The following OR2T29 variants were observed in gnomAD, a reference collection of about 807,000 sequenced individuals.
OR2T29 encodes the protein olfactory receptor 2T29.
For synonymous variants in OR2T29, 2 were observed against 44.9 expected (o/e 0.04, Z 3.82); for missense variants, 7 against 121.9 (o/e 0.06, Z 4.44).
Position 248,561,886 on chromosome 1 carries a change from A to C in OR2T29, c.-11+840T>G, listed in dbSNP as rs1431508845. ...GCTCAACCAGGACACGGGACAGATA[A>C]GGGAACACTATCCACACACAGTGAA... On this transcript the variant is annotated intron_variant, in intron 1 of 1. Transcript: ENST00000641069. Among the ~76,000 whole-genome samples, 488 of 130,982 alleles carry C rather than the reference A, an allele frequency of 3.7e-3. 6 individuals are homozygous for C. The highest frequency in any genetic ancestry group is 6.1e-3 in the Non-Finnish European group (376 of 61,260). The allele number at this position is 130,982 out of a possible 152,430, so 85.9% of individuals were successfully genotyped here.
rs1415818846 is a variant in OR2T29 at position 248,560,432 on chromosome 1, T to C, written c.-10-931A>G. On this transcript the variant is annotated intron_variant, in intron 1 of 1. Coordinates refer to ENST00000641069, the MANE Select transcript of OR2T29 (RefSeq NM_001004694.3). ...TTCCATTCTCCAGATTCAGTACCTA[T>C]TCATACATTTAAGAAGCTGACTTTC... Among the ~76,000 whole-genome samples the C allele has an allele frequency of 3.4e-5, 3 of 87,920 alleles. 1 individual carries two copies. The highest frequency in any genetic ancestry group is 7.8e-5 in the African/African-American group (3 of 38,666). 57.7% of individuals were successfully genotyped at this position (87,920 alleles called of 152,430 possible).
At position 248,562,593 on chromosome 1, in the gene OR2T29, A is replaced by G. The variant is rs1262574509; in HGVS notation, c.-11+133T>C. 3.0e-4 allele frequency: 44 copies of G among 144,968 alleles called. 1 individual carries two copies. The highest frequency in any genetic ancestry group is 1.3e-3 in the Admixed American group (19 of 14,732). 9.0% of individuals were successfully genotyped at this position (144,968 alleles called of 1,614,324 possible). On this transcript the variant is annotated intron_variant, in intron 1 of 1. Transcript: ENST00000641069. Reference sequence around the variant, plus strand: ...GAATAACATTTGCTTTTCTCCATTAAAAACAGATGATAAAGAAAAAATGAG... The same window carrying G: ...GAATAACATTTGCTTTTCTCCATTAGAAACAGATGATAAAGAAAAAATGAG...
chr1:248,562,040 A>T lies in OR2T29; in HGVS notation c.-11+686T>A, dbSNP rs1659533466. Among the ~76,000 whole-genome samples, 3 of 142,280 alleles carry T rather than the reference A, an allele frequency of 2.1e-5. No homozygotes were observed. In the South Asian group the frequency reaches 6.7e-4, roughly 32 times the overall value. 93.3% of individuals were successfully genotyped at this position (142,280 alleles called of 152,430 possible). A position where few individuals can be genotyped will look rare whatever the true frequency, so the allele number is the denominator to read the frequency against. ...CAAACCTTTATTTGAAGCATACAGC[A>T]TCCCAGGAATTGTTCTAATACTAAT... On this transcript the variant is annotated intron_variant, in intron 1 of 1. Transcript: ENST00000641069.
intron 1 of OR2T29, among the ~76,000 whole-genome samples, chr1:248,562,001 A>C (rs910631358): frequency 1.4e-5 from 2 of 147,450 alleles, no homozygotes; most frequent in African/African-American, 2.5e-5. Context: ...ATTTATTATA[A>C]GTATAAATGG....
intron 1 of OR2T29, among the ~76,000 whole-genome samples, chr1:248,562,255 T>A (rs1352108365): frequency 4.0e-5 from 6 of 150,130 alleles, no homozygotes; most frequent in Admixed American, 6.6e-5. Context: ...GCCTGATTCC[T>A]CTCAGGGACA....
chr1:248,559,150 C>T lies in OR2T29; in HGVS notation c.342G>A (p.Ser114=), dbSNP rs376895464. The change falls in exon 2 of 2, where the codon TCG becomes TCA. Residue 114 remains serine (S), a synonymous_variant. Transcript: ENST00000641069. ...CCATGGTGGCTAGAAGGAAAAATTCCGAACCTGCTAGTGTCAGATAGAGGA... is the reference window on the plus strand; with the variant it reads ...CCATGGTGGCTAGAAGGAAAAATTCTGAACCTGCTAGTGTCAGATAGAGGA... The part of the protein sequence containing the change: ...QMFLYLTLAG[S]EFFLLATMAY... The T allele has an allele frequency of 0.17, 73,932 of 433,214 alleles. 416 individuals carry two copies. The highest frequency in any genetic ancestry group is 0.32 in the East Asian group (7,893 of 24,976). 26.8% of individuals were successfully genotyped at this position (433,214 alleles called of 1,614,324 possible). A position where few individuals can be genotyped will look rare whatever the true frequency, so the allele number is the denominator to read the frequency against.
At chr1:248,560,080 G>A (rs532847660) in intron 1 of OR2T29, among the ~76,000 whole-genome samples, 470 of 28,224 alleles carry the variant, frequency 0.017, 1 homozygote, top group African/African-American at 0.025. Flanking sequence ...CTCATGAGCA[G>A]GGAAGGGTCC....
At position 248,559,280 on chromosome 1, in the gene OR2T29, GAC is replaced by G. The variant is rs1445018300; in HGVS notation, c.210_211del (p.Leu70PhefsTer25). The G allele has an allele frequency of 4.5e-5, 47 of 1,048,830 alleles. 1 individual carries two copies. The African/African-American group carries it at 8.8e-4, about 20-fold the overall frequency. The allele number at this position is 1,048,830 out of a possible 1,614,324, so 65.0% of individuals were successfully genotyped here. A position where few individuals can be genotyped will look rare whatever the true frequency, so the allele number is the denominator to read the frequency against. On this transcript the variant is annotated frameshift_variant, in exon 2 of 2. Coordinates refer to ENST00000641069, the MANE Select transcript of OR2T29 (RefSeq NM_001004694.3). LOFTEE classifies it low-confidence loss of function (END_TRUNC). ...AGAAATGTACGCCATGTCCATGAGA[GAC>G]AATTGACTGATGAAAAAGTACATGG...
At chr1:248,560,304 T>A (rs1659518523) in intron 1 of OR2T29, among the ~76,000 whole-genome samples, 1 of 90,818 alleles carries the variant, frequency 1.1e-5, no homozygotes, top group South Asian at 3.5e-4. Flanking sequence ...TTCCGATGAA[T>A]AAACACATAT....
chr1:248,562,666 G>T (rs1467038931), intron 1 of OR2T29, 60 bp downstream of exon 1: 2 of 145,334 alleles, frequency 1.4e-5, no homozygotes, highest in Non-Finnish European at 3.1e-5. Context: ...AGAACAAGTC[G>T]AGAGCAGTGA....
intron 1 of OR2T29, among the ~76,000 whole-genome samples, chr1:248,560,569 A>AAT (rs1367765777): frequency 3.1e-4 from 10 of 31,876 alleles, no homozygotes; most frequent in African/African-American, 4.6e-4. Flanking sequence ...GTTTTATATA[A>AAT]ATATATATAA....
chr1:248,562,232 C>T (rs569483480), intron 1 of OR2T29, among the ~76,000 whole-genome samples: 16 of 150,764 alleles, frequency 1.1e-4, no homozygotes, highest in Admixed American at 4.6e-4. Context: ...TGAGAGCCAG[C>T]GCACGTAACT....
At chr1:248,562,587 C>A (rs1219638986) in intron 1 of OR2T29, 139 bp downstream of exon 1, 3 of 144,496 alleles carry the variant, frequency 2.1e-5, no homozygotes, top group African/African-American at 7.8e-5. Flanking sequence ...TTGCTTTTCT[C>A]CATTAAAAAC....
chr1:248,560,349 T>A (rs1423282681), intron 1 of OR2T29, among the ~76,000 whole-genome samples: 1 of 96,246 alleles, frequency 1.0e-5, no homozygotes, highest in African/African-American at 2.5e-5. Context: ...TTAAGCTAAC[T>A]ATTCTGCACA....
rs1173141854 is a variant in OR2T29 at position 248,562,665 on chromosome 1, C to T, written c.-11+61G>A. The T allele has an allele frequency of 2.1e-5, 3 of 145,232 alleles. 1 individual carries two copies. Among genetic ancestry groups the T allele is most frequent in the African/African-American group, 7.7e-5 (3 of 39,032 alleles). The allele number at this position is 145,232 out of a possible 1,614,324, so 9.0% of individuals were successfully genotyped here. A position where few individuals can be genotyped will look rare whatever the true frequency, so the allele number is the denominator to read the frequency against. On this transcript the variant is annotated intron_variant, in intron 1 of 1. Coordinates refer to ENST00000641069, the MANE Select transcript of OR2T29 (RefSeq NM_001004694.3). Reference sequence around the variant, plus strand: ...AGAACGTTTCAGAAGCAGAACAAGTCGAGAGCAGTGATGACCCTTTTGTTC... The same window carrying T: ...AGAACGTTTCAGAAGCAGAACAAGTTGAGAGCAGTGATGACCCTTTTGTTC...
Position 248,557,516 on chromosome 1 carries a change from C to CT in OR2T29, c.*1027dup, listed in dbSNP as rs1398105216. ...TTAGTGTGTCCTTATGAGCTGCACC[C>CT]TTCACACGAGTATCAAAACAGCTTA... On this transcript the variant is annotated 3_prime_UTR_variant, in exon 2 of 2. Coordinates refer to ENST00000641069, the MANE Select transcript of OR2T29 (RefSeq NM_001004694.3). The CT allele has an allele frequency of 3.9e-5, 2 of 51,794 alleles. No individual in the cohort carries two copies. Among genetic ancestry groups the CT allele is most frequent in the African/African-American group, 1.6e-4 (2 of 12,852 alleles). The allele number at this position is 51,794 out of a possible 1,614,324, so 3.2% of individuals were successfully genotyped here.
intron 1 of OR2T29, among the ~76,000 whole-genome samples, 158 bp from the exon 2 acceptor site, chr1:248,559,659 AAACT>A (rs1252115306): frequency 7.8e-6 from 1 of 127,772 alleles, no homozygotes; most frequent in Non-Finnish European, 1.8e-5. Context: ...TTCACAAAAC[AAACT>A]AAGAATTCAC....
chr1:248,560,575 T>TA (rs1405989719), intron 1 of OR2T29, among the ~76,000 whole-genome samples: 1 of 22,042 alleles, frequency 4.5e-5, no homozygotes, highest in African/African-American at 6.3e-5. Context: ...TATAAATATA[T>TA]ATAATATATT....
chr1:248,560,100 G>A (rs200415408), intron 1 of OR2T29, among the ~76,000 whole-genome samples: 2 of 27,772 alleles, frequency 7.2e-5, no homozygotes, highest in Admixed American at 1.2e-3. Flanking sequence ...CTCACACACA[G>A]CTGACCCTTT....
Sources: allele counts gnomAD v4.1 joint callset (sites outside exome capture counted in the v4.1 genomes callset), GRCh38; gene constraint gnomAD v4.1.1; transcripts MANE v1.5; gene names NCBI Gene and HGNC (gene_info 2026-07-23, HGNC 2026-07-21).